ANO7: variants seen among roughly 807,000 people sequenced by gnomAD.
The protein encoded by ANO7 is anoctamin 7, also known as anoctamin-7.
Under a neutral mutation model 115.8 loss-of-function variants are expected in ANO7, and 114 were observed. The observed-to-expected ratio is 0.98, with a 90% confidence interval of 0.85 to 1.15. The LOEUF is 1.15. Ranked by LOEUF, ANO7 falls within the 50% of genes most tolerant of loss-of-function variation. The pLI is 0.00. For synonymous variants in ANO7, 550 were observed against 498.2 expected (o/e 1.10, Z -1.38); for missense variants, 1,302 against 1,201.2 (o/e 1.08, Z -1.24).
downstream of ANO7, chr2:241,229,984 CAG>C (rs1484055381): frequency 6.3e-7 from 1 of 1,583,978 alleles, no homozygotes. Flanking sequence ...GACAGGAAGA[CAG>C]GGTCAGTCTG....
At chr2:241,200,250 G>A (rs2068438273) in intron 6 of ANO7, 25 bp downstream of exon 6, 1 of 1,608,396 alleles carries the variant, frequency 6.2e-7, no homozygotes. Flanking sequence ...CTGCCAGTCG[G>A]AGGAAAGAAC....
At chr2:241,221,514 C>G (rs925412104) in intron 21 of ANO7, among the ~76,000 whole-genome samples, 1 of 151,652 alleles carries the variant, frequency 6.6e-6, no homozygotes, top group African/African-American at 2.4e-5. Flanking sequence ...GGATTACAGG[C>G]GTGCGCTACC....
rs113485242 is a variant in ANO7 at position 241,208,876 on chromosome 2, A to G, written c.1078-409A>G. Among the ~76,000 whole-genome samples, 1,130 of 152,264 alleles carry G rather than the reference A, an allele frequency of 7.4e-3. 8 individuals are homozygous for G. The highest frequency in any genetic ancestry group is 0.012 in the Non-Finnish European group (799 of 68,012). On this transcript the variant is annotated intron_variant, in intron 11 of 24. Coordinates refer to ENST00000674324, the MANE Select transcript of ANO7 (RefSeq NM_001370694.2). ...CCAAAACACAGTCAGGGGGCTGGGC[A>G]CGGTGGCTCACGCCTGTAATCCCAG...
intron 8 of ANO7, among the ~76,000 whole-genome samples, chr2:241,202,778 C>T (rs1448516149): frequency 6.6e-6 from 1 of 152,224 alleles, no homozygotes; most frequent in Non-Finnish European, 1.5e-5. Flanking sequence ...CCCACCCGCC[C>T]AAGCCTTCCC....
chr2:241,239,869 A>T, the ANO7 span: 1 of 1,612,354 alleles, frequency 6.2e-7, no homozygotes, highest in Non-Finnish European at 8.5e-7. The surrounding 1 kb of genome is among the most constrained non-coding windows in gnomAD (Gnocchi z 4.6). Flanking sequence ...TCACGGCCCC[A>T]GCAGAGTCGG....
At chr2:241,189,820 G>C (rs555272280) in intron 1 of ANO7, among the ~76,000 whole-genome samples, 34 of 152,308 alleles carry the variant, frequency 2.2e-4, no homozygotes, top group Middle Eastern at 3.4e-3. Flanking sequence ...GACGCCTGCT[G>C]TGCCAGGCCT....
chr2:241,201,366 G>T lies in ANO7; in HGVS notation c.612+11G>T. 6.2e-7 allele frequency: 1 copy of T among 1,610,810 alleles called. No individual in the cohort carries two copies. The highest frequency in any genetic ancestry group is 1.7e-4 in the Middle Eastern group (1 of 6,052). On this transcript the variant is annotated intron_variant, in intron 7 of 24. Transcript: ENST00000674324. ...AAGAGGCACCAAATTGTGAGTGGGG[G>T]TTCCCTGCCGCGGGCCCCAAACCCT...
Position 241,190,451 on chromosome 2 carries a change from G to A in ANO7, c.108+280G>A, listed in dbSNP as rs554980467. Reference sequence around the variant, plus strand: ...GGGGGGCCTGGCCAGGCAAAGGCAAGACCAGGGCGGGGCCCTCCCTGTGGT... The same window carrying A: ...GGGGGGCCTGGCCAGGCAAAGGCAAAACCAGGGCGGGGCCCTCCCTGTGGT... On this transcript the variant is annotated intron_variant, in intron 2 of 24. Coordinates refer to ENST00000674324, the MANE Select transcript of ANO7 (RefSeq NM_001370694.2). 2.6e-5 allele frequency among the ~76,000 whole-genome samples: 4 copies of A among 152,324 alleles called. No homozygotes were observed. The East Asian group carries it at 7.7e-4, about 29-fold the overall frequency.
chr2:241,199,987 T>TTCCCCTC lies in ANO7; in HGVS notation c.418-100_418-99insCCCTCTC, dbSNP rs570531830. On this transcript the variant is annotated intron_variant, in intron 5 of 24. Coordinates refer to ENST00000674324, the MANE Select transcript of ANO7 (RefSeq NM_001370694.2). ...CGCTCCTTCCCTCTGCTGGAGCCCC[T>TTCCCCTC]TCGCCCATTGCCCAATTTGCAAACT... 4,129 of 1,414,696 alleles carry TTCCCCTC rather than the reference T, an allele frequency of 2.9e-3. 10 individuals carry two copies. The highest frequency in any genetic ancestry group is 3.4e-3 in the Non-Finnish European group (3,535 of 1,037,356). 87.6% of individuals were successfully genotyped at this position (1,414,696 alleles called of 1,614,324 possible).
chr2:241,213,336 A>G (rs2068758200), intron 17 of ANO7, among the ~76,000 whole-genome samples: 1 of 152,246 alleles, frequency 6.6e-6, no homozygotes, highest in African/African-American at 2.4e-5. Flanking sequence ...CCATCAGCAC[A>G]GTGGGCTCTG....
At chr2:241,221,183 C>T (rs2069003571) in intron 21 of ANO7, among the ~76,000 whole-genome samples, 1 of 151,484 alleles carries the variant, frequency 6.6e-6, no homozygotes, top group Admixed American at 6.6e-5. Flanking sequence ...TCAAGCGATT[C>T]TCCTGCCTCA....
intron 14 of ANO7, 22 bp downstream of exon 14, chr2:241,210,415 CGG>C: frequency 6.2e-7 from 1 of 1,613,808 alleles, no homozygotes; most frequent in African/African-American, 1.3e-5. Flanking sequence ...CTGCCTGCCT[CGG>C]GGGGCCCTGA....
chr2:241,237,542 T>C, the ANO7 span, among the ~76,000 whole-genome samples: 1 of 152,156 alleles, frequency 6.6e-6, no homozygotes, highest in Non-Finnish European at 1.5e-5. Flanking sequence ...GATGGGGAAG[T>C]AGGTGTTTCT....
Position 241,216,484 on chromosome 2 carries a change from C to G in ANO7, c.1972+246C>G, listed in dbSNP as rs11678844. On this transcript the variant is annotated intron_variant, in intron 19 of 24. Transcript: ENST00000674324. ...CACCGGCACGGGGAGGAGGCCCCCG[C>G]GGCCGTTGCAGAGCTCCCCTGGGGT... Among the ~76,000 whole-genome samples, 127,397 of 152,270 alleles carry G rather than the reference C, an allele frequency of 0.84. 53,472 individuals are homozygous for G. The highest frequency in any genetic ancestry group is 0.95 in the East Asian group (4,902 of 5,178).
At chr2:241,232,555 C>T in the ANO7 span, among the ~76,000 whole-genome samples, 11 of 152,200 alleles carry the variant, frequency 7.2e-5, no homozygotes, top group South Asian at 2.1e-4. Context: ...GGATTACAGG[C>T]GTGAGCCACT....
chr2:241,222,233 C>CATAAATAA (rs59653174), intron 21 of ANO7, among the ~76,000 whole-genome samples: 5,215 of 143,288 alleles, frequency 0.036, 137 homozygotes, highest in Admixed American at 0.084. Context: ...GACTCTGTCT[C>CATAAATAA]ATAAATAAAT....
rs752959902 is a variant in ANO7 at position 241,198,934 on chromosome 2, C to T, written c.310-382C>T. 8.1e-4 allele frequency among the ~76,000 whole-genome samples: 124 copies of T among 152,316 alleles called. 1 individual carries two copies. The highest frequency in any genetic ancestry group is 3.4e-3 in the Middle Eastern group (1 of 294). On this transcript the variant is annotated intron_variant, in intron 4 of 24. Transcript: ENST00000674324. ...ACCTGGTGACCGATCAAAGGTGAGGCGACGTTCGATGTTGAAAACCAAAAG... is the reference window on the plus strand; with the variant it reads ...ACCTGGTGACCGATCAAAGGTGAGGTGACGTTCGATGTTGAAAACCAAAAG...
At chr2:241,213,142 G>A (rs1001687476) in intron 17 of ANO7, among the ~76,000 whole-genome samples, 3 of 147,672 alleles carry the variant, frequency 2.0e-5, no homozygotes, top group Non-Finnish European at 3.0e-5. Context: ...CATGGCACAC[G>A]GCCCGCAGGG....
intron 11 of ANO7, among the ~76,000 whole-genome samples, 155 bp from the exon 12 acceptor site, chr2:241,209,130 C>A (rs1574780461): frequency 6.6e-6 from 1 of 152,186 alleles, no homozygotes; most frequent in Non-Finnish European, 1.5e-5. Context: ...GCCTGGGTGA[C>A]AGAGCCAGAC....
Sources: allele counts gnomAD v4.1 joint callset (sites outside exome capture counted in the v4.1 genomes callset), GRCh38; gene constraint gnomAD v4.1.1; non-coding constraint Gnocchi (gnomAD v3.1); transcripts MANE v1.5; gene names NCBI Gene and HGNC (gene_info 2026-07-23, HGNC 2026-07-21).